The following KIRREL3 variants were observed in gnomAD, a reference collection of about 807,000 sequenced individuals.
The protein encoded by KIRREL3 is kin of IRRE-like protein 3.
Under a neutral mutation model 89.7 loss-of-function variants are expected in KIRREL3, and 36 were observed. The observed-to-expected ratio is 0.40, with a 90% CI of 0.31 to 0.53. The LOEUF is 0.53. KIRREL3 is among the 20% of genes least tolerant of loss of function. The pLI, the probability that KIRREL3 is intolerant of heterozygous loss-of-function variation, is 0.49. For synonymous variants in KIRREL3, 445 were observed against 441.4 expected, an observed-to-expected ratio of 1.01 and a Z score of -0.10; for missense variants, 864 against 1,056.6, an observed-to-expected ratio of 0.82 and a Z score of 2.53.
At chr11:126,456,114 C>G (rs10893511) in intron 7 of KIRREL3, among the ~76,000 whole-genome samples, 99,000 of 143,292 alleles carry the variant, frequency 0.69, 35,183 homozygotes, top group East Asian at 0.9. Context: ...CAAGCAGAAG[C>G]CGTGAGTCCT....
At chr11:126,678,549 G>A (rs1049482462) in intron 1 of KIRREL3, among the ~76,000 whole-genome samples, 5 of 130,634 alleles carry the variant, frequency 3.8e-5, no homozygotes, top group Admixed American at 2.7e-4. Context: ...ACAGTGAGCC[G>A]AGATTGTGCC....
chr11:126,434,678 C>T (rs1474747699), intron 13 of KIRREL3, among the ~76,000 whole-genome samples: 1 of 152,220 alleles, frequency 6.6e-6, no homozygotes, highest in East Asian at 1.9e-4. Flanking sequence ...CAACTCCGCC[C>T]AGGGGGCCTG....
chr11:126,924,251 C>T lies in KIRREL3; in HGVS notation c.55+76204G>A, dbSNP rs1434761018. On this transcript the variant is annotated intron_variant, in intron 1 of 16. Transcript: ENST00000525144. The surrounding 1 kb of genome is among the most constrained non-coding windows in gnomAD (Gnocchi z 4.7). ...TGCATCCACGCAACTGGTTTTCCCACCTTCAGTTTTCCCTTCTAGCTCGCT... is the reference window on the plus strand; with the variant it reads ...TGCATCCACGCAACTGGTTTTCCCATCTTCAGTTTTCCCTTCTAGCTCGCT... Among the ~76,000 whole-genome samples the T allele has an allele frequency of 6.6e-6, 1 of 152,162 alleles. No individual in the cohort carries two copies. Among genetic ancestry groups the T allele is most frequent in the Non-Finnish European group, 1.5e-5 (1 of 68,030 alleles).
rs1023619312 is a variant in KIRREL3 at position 126,551,500 on chromosome 11, A to T, written c.133+11335T>A. On this transcript the variant is annotated intron_variant, in intron 2 of 16. Transcript: ENST00000525144. The surrounding 1 kb of genome is among the most constrained non-coding windows in gnomAD (Gnocchi z 4.9). ...ACCCCATGCGCCTCTATATAGAAAC[A>T]TGTCTAGATACATCATCACGCCTCA... Among the ~76,000 whole-genome samples the T allele has an allele frequency of 2.0e-5, 3 of 152,044 alleles. No homozygotes were observed. The highest frequency in any genetic ancestry group is 2.0e-4 in the Admixed American group (3 of 15,258).
Position 126,655,800 on chromosome 11 carries a change from C to T in KIRREL3, c.56-92888G>A, listed in dbSNP as rs1286208455. Among the ~76,000 whole-genome samples the T allele has an allele frequency of 6.6e-6, 1 of 152,174 alleles. No homozygotes were observed. Among genetic ancestry groups the T allele is most frequent in the African/African-American group, 2.4e-5 (1 of 41,444 alleles). On this transcript the variant is annotated intron_variant, in intron 1 of 16. Transcript: ENST00000525144. The surrounding 1 kb of genome is among the most constrained non-coding windows in gnomAD (Gnocchi z 5.0). ...GCAACAGCATGATAAAAATTCTGTC[C>T]ACTCTACCAAAATGGGAGAAGCAAT... is the stretch of plus-strand genomic sequence containing the variant.
rs1955583531 is a variant in KIRREL3, at chr11:126,441,983, C to T, written c.1253-1434G>A. Among the ~76,000 whole-genome samples, 1 of 152,092 alleles carries T rather than the reference C, an allele frequency of 6.6e-6. No individual in the cohort carries two copies. The highest frequency in any genetic ancestry group is 2.4e-5 in the African/African-American group (1 of 41,426). ...ACTAAAACGTGATGATAATATAAAACCTTTTCTGGTCAGGTGCGGTGGCTC... is the reference window on the plus strand; with the variant it reads ...ACTAAAACGTGATGATAATATAAAATCTTTTCTGGTCAGGTGCGGTGGCTC... On this transcript the variant is annotated intron_variant, in intron 10 of 16. Transcript: ENST00000525144. The surrounding 1 kb of genome is among the most constrained non-coding windows in gnomAD (Gnocchi z 5.0).
Position 126,696,167 on chromosome 11 carries a change from G to C in KIRREL3, c.56-133255C>G. On this transcript the variant is annotated intron_variant, in intron 1 of 16. Transcript: ENST00000525144. The surrounding 1 kb of genome is among the most constrained non-coding windows in gnomAD (Gnocchi z 4.4). ...AGCTACTTGGGAGGCTGAGGTATGA[G>C]AATTGCTTGAACCTGAGTGGCAGAG... Among the ~76,000 whole-genome samples, 1 of 151,132 alleles carries C rather than the reference G, an allele frequency of 6.6e-6. No homozygotes were observed. The highest frequency in any genetic ancestry group is 2.1e-4 in the South Asian group (1 of 4,772).
At position 126,653,590 on chromosome 11, in the gene KIRREL3, C is replaced by A. The variant is rs927032962; in HGVS notation, c.56-90678G>T. On this transcript the variant is annotated intron_variant, in intron 1 of 16. Transcript: ENST00000525144. The surrounding 1 kb of genome is among the most constrained non-coding windows in gnomAD (Gnocchi z 5.4). The stretch of plus-strand genomic sequence containing the variant: ...GAAGTGGCATTTTGCAAACTCCAAT[C>A]CCCCAGGACCACATGTGAAGGAGCT... Among the ~76,000 whole-genome samples, 1 of 152,150 alleles carries A rather than the reference C, an allele frequency of 6.6e-6. No homozygotes were observed. The highest frequency in any genetic ancestry group is 1.5e-5 in the Non-Finnish European group (1 of 68,020).
chr11:126,714,769 G>A (rs1296550230), intron 1 of KIRREL3, among the ~76,000 whole-genome samples: 1 of 152,092 alleles, frequency 6.6e-6, no homozygotes, highest in Non-Finnish European at 1.5e-5. Context: ...GGTTTCCTGG[G>A]ATCGCCCCCT....
At chr11:126,554,102 T>A (rs1385908800) in intron 2 of KIRREL3, among the ~76,000 whole-genome samples, 1 of 152,148 alleles carries the variant, frequency 6.6e-6, no homozygotes, top group Non-Finnish European at 1.5e-5. Flanking sequence ...CCTGAGAGTG[T>A]CTTGTCCTTG....
rs183466920 is a variant in KIRREL3, at chr11:126,519,089, G to A, written c.433+2226C>T. Among the ~76,000 whole-genome samples, 3 of 152,188 alleles carry A rather than the reference G, an allele frequency of 2.0e-5. No individual in the cohort carries two copies. Among genetic ancestry groups the A allele is most frequent in the Non-Finnish European group, 4.4e-5 (3 of 68,030 alleles). On this transcript the variant is annotated intron_variant, in intron 4 of 16. Coordinates refer to ENST00000525144, the MANE Select transcript of KIRREL3 (RefSeq NM_032531.4). This position sits in a 1 kb window ranked among gnomAD's most constrained non-coding sequence, Gnocchi z 4.3. ...TGGAAACTTCCTCTGCCCTCCTTCC[G>A]CTGATCTCCAGACTTGAATAAAACA... is the stretch of plus-strand genomic sequence containing the variant.
rs1178840234 is a variant in KIRREL3 at position 126,791,698 on chromosome 11, T to C, written c.55+208757A>G. Reference sequence around the variant, plus strand: ...TTCCCATGGCCAGGCCAGGTGTGAATGAGTCTGAGCCCAGTGAAAGAGGGA... The same window carrying C: ...TTCCCATGGCCAGGCCAGGTGTGAACGAGTCTGAGCCCAGTGAAAGAGGGA... On this transcript the variant is annotated intron_variant, in intron 1 of 16. Transcript: ENST00000525144. The surrounding 1 kb of genome is among the most constrained non-coding windows in gnomAD (Gnocchi z 4.8). Among the ~76,000 whole-genome samples the C allele has an allele frequency of 6.6e-6, 1 of 152,126 alleles. No individual in the cohort carries two copies. The highest frequency in any genetic ancestry group is 1.5e-5 in the Non-Finnish European group (1 of 68,012).
chr11:126,713,299 G>A (rs539768559), intron 1 of KIRREL3, among the ~76,000 whole-genome samples: 170 of 152,346 alleles, frequency 1.1e-3, no homozygotes, highest in African/African-American at 3.9e-3. Context: ...CATGCATTTA[G>A]GAAGTAGCGG....
Position 126,521,395 on chromosome 11 carries a change from T to TCTGCC in KIRREL3, c.348_352dup (p.Glu118GlyfsTer42). 1 of 1,569,472 alleles carries TCTGCC rather than the reference T, an allele frequency of 6.4e-7. No homozygotes were observed. Among genetic ancestry groups the TCTGCC allele is most frequent in the Non-Finnish European group, 8.6e-7 (1 of 1,157,318 alleles). ...CTCGTACACCGCATCGTCTTGCAGCTCTGCCCTCAGGATCTTCAGGTGGTG... is the reference window on the plus strand; with the variant it reads ...CTCGTACACCGCATCGTCTTGCAGCTCTGCCCTGCCCTCAGGATCTTCAGGTGGTG... On this transcript the variant is annotated frameshift_variant, in exon 4 of 17. Transcript: ENST00000525144. LOFTEE classifies it high-confidence loss of function. The surrounding 1 kb of genome is among the most constrained non-coding windows in gnomAD (Gnocchi z 4.1).
chr11:126,734,389 C>T lies in KIRREL3; in HGVS notation c.56-171477G>A, dbSNP rs114133798. 7.9e-3 allele frequency among the ~76,000 whole-genome samples: 1,207 copies of T among 152,226 alleles called. 28 individuals are homozygous for T. The highest frequency in any genetic ancestry group is 0.028 in the African/African-American group (1,168 of 41,526). ...TTTACTTAAGAAATATTTGGCCAGG[C>T]GCGGTGGCTCATGCATGTAATCCCA... On this transcript the variant is annotated intron_variant, in intron 1 of 16. Coordinates refer to ENST00000525144, the MANE Select transcript of KIRREL3 (RefSeq NM_032531.4). This position sits in a 1 kb window ranked among gnomAD's most constrained non-coding sequence, Gnocchi z 5.9.
Position 126,769,739 on chromosome 11 carries a change from G to T in KIRREL3, c.56-206827C>A, listed in dbSNP as rs972075394. Among the ~76,000 whole-genome samples, 3 of 152,198 alleles carry T rather than the reference G, an allele frequency of 2.0e-5. No homozygotes were observed. Among genetic ancestry groups the T allele is most frequent in the Non-Finnish European group, 2.9e-5 (2 of 68,032 alleles). On this transcript the variant is annotated intron_variant, in intron 1 of 16. Transcript: ENST00000525144. This position sits in a 1 kb window ranked among gnomAD's most constrained non-coding sequence, Gnocchi z 4.3. ...CACATCTTATAGCTTCCAGGGGCAA[G>T]GTGGAGGGTGCAGTGGTTTCCAGCT... is the stretch of plus-strand genomic sequence containing the variant.
intron 1 of KIRREL3, among the ~76,000 whole-genome samples, chr11:126,619,762 T>C (rs906895238): frequency 3.3e-5 from 5 of 152,212 alleles, no homozygotes; most frequent in Admixed American, 6.5e-5. Context: ...TTCCTAAAGA[T>C]AGAATCTCTG....
intron 1 of KIRREL3, among the ~76,000 whole-genome samples, chr11:126,888,296 T>A (rs898748453): frequency 6.6e-6 from 1 of 151,816 alleles, no homozygotes; most frequent in African/African-American, 2.4e-5. Flanking sequence ...CCTAGAGGAG[T>A]CTTTGAAGTG....
At position 126,424,424 on chromosome 11, in the gene KIRREL3, A is replaced by C; in HGVS notation, c.*156T>G. ...ACCTGGGGACCCAGATTTGTGCTTG[A>C]TCAGAGCTTCGAAGGAAGGCAGTGG... On this transcript the variant is annotated 3_prime_UTR_variant, in exon 17 of 17. Coordinates refer to ENST00000525144, the MANE Select transcript of KIRREL3 (RefSeq NM_032531.4). 1 of 460,362 alleles carries C rather than the reference A, an allele frequency of 2.2e-6. No individual in the cohort carries two copies. The highest frequency in any genetic ancestry group is 3.9e-6 in the Non-Finnish European group (1 of 257,954). The allele number at this position is 460,362 out of a possible 1,614,324, so 28.5% of individuals were successfully genotyped here.
Sources: gnomAD v4.1 joint callset for allele counts (sites outside exome capture counted in the v4.1 genomes callset) on GRCh38, gnomAD v4.1.1 for gene constraint, Gnocchi (gnomAD v3.1) non-coding constraint, MANE v1.5 for transcripts, NCBI Gene and HGNC (gene_info 2026-07-23, HGNC 2026-07-21) for gene names.